The following LRBA variants were observed in gnomAD, a reference collection of about 807,000 sequenced individuals.
LRBA encodes LPS responsive beige-like anchor protein.
Under a neutral mutation model 330.0 loss-of-function variants are expected in LRBA, and 176 were observed. The ratio of observed to expected loss-of-function variants is 0.53; its 90% CI spans 0.47 to 0.60. LRBA has a LOEUF of 0.60. Among genes scored for constraint, LRBA ranks in the 20% least tolerant of loss-of-function variants. The pLI is 0.00. For missense variants in LRBA, 3,259 were observed against 3,444.8 expected, an observed-to-expected ratio of 0.95 and a Z score of 1.35; for synonymous variants, 1,230 against 1,193.0, an observed-to-expected ratio of 1.03 and a Z score of -0.64.
intron 2 of LRBA, among the ~76,000 whole-genome samples, chr4:150,984,642 C>G (rs899466981): frequency 1.3e-5 from 2 of 152,190 alleles, no homozygotes; most frequent in Non-Finnish European, 2.9e-5. Context: ...TCATTCTTAT[C>G]ACTAACCTTT....
intron 36 of LRBA, among the ~76,000 whole-genome samples, chr4:150,717,951 T>C (rs1163104063): frequency 2.6e-5 from 4 of 152,068 alleles, no homozygotes; most frequent in Non-Finnish European, 2.9e-5. Context: ...ACATATGTTT[T>C]ACAGATATAT....
intron 50 of LRBA, among the ~76,000 whole-genome samples, chr4:150,317,757 C>T (rs941233081): frequency 1.3e-5 from 2 of 152,162 alleles, no homozygotes; most frequent in African/African-American, 4.8e-5. Flanking sequence ...TTTGCTGATG[C>T]TTCAAATCCT....
At chr4:150,777,093 G>GTTC (rs1327472400) in intron 34 of LRBA, among the ~76,000 whole-genome samples, 3 of 150,196 alleles carry the variant, frequency 2.0e-5, no homozygotes, top group South Asian at 2.1e-4. Context: ...TGTTGTTGTT[G>GTTC]TTGTTGTTGT....
intron 47 of LRBA, among the ~76,000 whole-genome samples, chr4:150,356,459 A>G (rs1405932654): frequency 1.3e-5 from 2 of 152,124 alleles, no homozygotes. Context: ...GAGTTACTTT[A>G]GCAAATTTCA....
At chr4:150,943,160 T>C (rs1735864469) in intron 2 of LRBA, among the ~76,000 whole-genome samples, 1 of 152,170 alleles carries the variant, frequency 6.6e-6, no homozygotes, top group Admixed American at 6.5e-5. Flanking sequence ...TAAACAATGG[T>C]AAAGAGATGT....
Position 150,581,415 on chromosome 4 carries a change from T to C in LRBA, c.6330+6633A>G, listed in dbSNP as rs183884484. ...GAGGGGAAGAGAAAGGAGGATGACT[T>C]TAAAGGAGGAAAAAACCTGGAAAAA... On this transcript the variant is annotated intron_variant, in intron 40 of 56. Coordinates refer to ENST00000651943, the MANE Select transcript of LRBA (RefSeq NM_001364905.1). The C allele has an allele frequency of 2.7e-3, 1,061 of 389,798 alleles. 6 individuals carry two copies. The highest frequency in any genetic ancestry group is 4.7e-3 in the Non-Finnish European group (929 of 198,078). The allele number at this position is 389,798 out of a possible 1,614,324, so 24.1% of individuals were successfully genotyped here.
chr4:150,921,409 C>A, intron 4 of LRBA, 116 bp from the exon 5 acceptor site: 1 of 648,064 alleles, frequency 1.5e-6, no homozygotes, highest in Non-Finnish European at 2.8e-6. Flanking sequence ...AGGTTAAAAG[C>A]ATAGAAAATA....
intron 44 of LRBA, among the ~76,000 whole-genome samples, chr4:150,442,101 G>T (rs1751917428): frequency 6.6e-6 from 1 of 152,128 alleles, no homozygotes; most frequent in South Asian, 2.1e-4. Context: ...AGGTAAGAAA[G>T]TTCTGGGAAA....
chr4:150,661,601 C>T (rs28451271), intron 37 of LRBA, among the ~76,000 whole-genome samples: 122,160 of 151,730 alleles, frequency 0.81, 52,651 homozygotes, highest in Non-Finnish European at 0.95. Flanking sequence ...TAAAACAGTG[C>T]ATCATGTTTT....
intron 17 of LRBA, among the ~76,000 whole-genome samples, chr4:150,872,964 A>G (rs1753609602): frequency 6.6e-6 from 1 of 152,190 alleles, no homozygotes; most frequent in South Asian, 2.1e-4. Flanking sequence ...TTGGAATATA[A>G]GAAATGAGGT....
In LRBA at chr4:150,828,201, A is replaced by G; in HGVS notation, c.5150T>C (p.Val1717Ala). 6.2e-7 allele frequency: 1 copy of G among 1,614,078 alleles called. No individual in the cohort carries two copies. The highest frequency in any genetic ancestry group is 8.5e-7 in the Non-Finnish European group (1 of 1,179,952). ...ALGDLSVEQPVQFRSFDRSVI... is the reference protein window; with the variant it reads ...ALGDLSVEQPAQFRSFDRSVI... ...GTACCTGTCAAAAGATCTGAACTGC[A>G]CGGGTTGTTCCACAGATAGATCACC... Residue 1717 changes from valine (V) to alanine (A), a missense_variant, in exon 30 of 57, where the codon GTG becomes GCG. Val to Ala is a moderately conservative substitution (Grantham distance 64). Coordinates refer to ENST00000651943, the MANE Select transcript of LRBA (RefSeq NM_001364905.1).
chr4:150,842,888 T>A (rs1476477297), intron 28 of LRBA, among the ~76,000 whole-genome samples: 1 of 151,394 alleles, frequency 6.6e-6, no homozygotes, highest in African/African-American at 2.4e-5. Context: ...AATTTTTCAA[T>A]GGACCTGTAG....
rs1191948595 is a variant in LRBA at position 150,273,859 on chromosome 4, T to C, written c.8468+3994A>G. Among the ~76,000 whole-genome samples the C allele has an allele frequency of 3.3e-5, 5 of 152,034 alleles. No homozygotes were observed. The East Asian group carries it at 9.6e-4, about 29-fold the overall frequency. The stretch of plus-strand genomic sequence containing the variant: ...GACTTAGACTCCCACACAATAATAG[T>C]GGGAGATTTTAACACCCCACTGTCA... On this transcript the variant is annotated intron_variant, in intron 56 of 56. Coordinates refer to ENST00000651943, the MANE Select transcript of LRBA (RefSeq NM_001364905.1).
chr4:150,695,822 C>T (rs1055036582), intron 36 of LRBA, among the ~76,000 whole-genome samples: 36 of 152,238 alleles, frequency 2.4e-4, no homozygotes, highest in African/African-American at 8.4e-4. Context: ...TTTAACTCTA[C>T]CTAACCAATG....
intron 41 of LRBA, among the ~76,000 whole-genome samples, chr4:150,490,233 C>T (rs1021203546): frequency 1.3e-5 from 2 of 151,530 alleles, no homozygotes; most frequent in Admixed American, 1.3e-4. Flanking sequence ...TTATGTGTAC[C>T]TTTAAAAATA....
Position 150,868,220 on chromosome 4 carries a change from G to C in LRBA, c.2535C>G (p.Asp845Glu), listed in dbSNP as rs1327756766. ...TACTGTTATTAAAAAGTTTAATCAT[G>C]TCAGAAAGAAAGGCTCTGCGAACCT... ...SMEVRRAFLSDMIKLFNNSRE... is the reference protein window; with the variant it reads ...SMEVRRAFLSEMIKLFNNSRE... The change falls in exon 21 of 57, where the codon GAC (aspartate) becomes GAG (glutamate). Residue 845 changes from aspartate to glutamate, a missense_variant. Physicochemically the swap from Asp to Glu is conservative, Grantham distance 45. Coordinates refer to ENST00000651943, the MANE Select transcript of LRBA (RefSeq NM_001364905.1). 1.9e-6 allele frequency: 3 copies of C among 1,612,398 alleles called. No individual in the cohort carries two copies. The highest frequency in any genetic ancestry group is 1.7e-6 in the Non-Finnish European group (2 of 1,178,946).
intron 34 of LRBA, among the ~76,000 whole-genome samples, chr4:150,786,537 C>T (rs1247993039): frequency 6.6e-6 from 1 of 152,136 alleles, no homozygotes; most frequent in Non-Finnish European, 1.5e-5. Context: ...AGCCACTGCT[C>T]CTGGCCTAGA....
At chr4:150,618,825 A>G (rs1357377797) in intron 37 of LRBA, among the ~76,000 whole-genome samples, 1 of 144,122 alleles carries the variant, frequency 6.9e-6, no homozygotes, top group Non-Finnish European at 1.5e-5. Context: ...TTATGTATAC[A>G]TATATTATGT....
At chr4:150,981,687 A>G (rs368734964) in intron 2 of LRBA, among the ~76,000 whole-genome samples, 35 of 151,892 alleles carry the variant, frequency 2.3e-4, no homozygotes, top group Middle Eastern at 6.8e-3. Context: ...GGGGCCGGAC[A>G]CGGTGGCTCA....
Sources: allele counts gnomAD v4.1 joint callset (sites outside exome capture counted in the v4.1 genomes callset), GRCh38; gene constraint gnomAD v4.1.1; transcripts MANE v1.5; gene names NCBI Gene and HGNC (gene_info 2026-07-23, HGNC 2026-07-21).